CALB2: variants seen among roughly 807,000 people sequenced by gnomAD.
CALB2 encodes the protein calretinin.
A neutral mutation model predicts 45.9 loss-of-function variants in CALB2; 34 were observed. The observed-to-expected ratio is 0.74, with a 90% CI of 0.56 to 0.99. The LOEUF (loss-of-function observed/expected upper bound fraction) is 0.99. Among genes scored for constraint, CALB2 ranks in the 50% least tolerant of loss-of-function variants. The pLI, the probability that CALB2 is intolerant of heterozygous loss-of-function variation, is 0.00. For missense variants in CALB2, 344 were observed against 339.3 expected (o/e 1.01, Z -0.11); for synonymous variants, 142 against 129.6 (o/e 1.10, Z -0.65).
At chr16:71,361,584 A>G (rs1196822720) in intron 1 of CALB2, among the ~76,000 whole-genome samples, 3 of 152,134 alleles carry the variant, frequency 2.0e-5, no homozygotes, top group Admixed American at 1.3e-4. Flanking sequence ...CTGGAGCCCA[A>G]TTAACCACAG....
At chr16:71,361,959 T>C (rs1471567351) in intron 1 of CALB2, among the ~76,000 whole-genome samples, 1 of 152,140 alleles carries the variant, frequency 6.6e-6, no homozygotes, top group Non-Finnish European at 1.5e-5. Flanking sequence ...GCCTCAGCAG[T>C]CAGCCAAGAG....
intron 4 of CALB2, among the ~76,000 whole-genome samples, chr16:71,382,074 G>A (rs920074403): frequency 2.3e-5 from 3 of 131,226 alleles, no homozygotes; most frequent in African/African-American, 8.6e-5. Flanking sequence ...GAGGGGGAGG[G>A]GGAGGAAGAA....
intron 10 of CALB2, among the ~76,000 whole-genome samples, chr16:71,388,835 G>A (rs2042602331): frequency 6.7e-6 from 1 of 148,484 alleles, no homozygotes; most frequent in South Asian, 2.1e-4. Context: ...AAAAAAAAAA[G>A]TGCAAACATT....
At chr16:71,387,121 C>T (rs1184347503) in intron 10 of CALB2, among the ~76,000 whole-genome samples, 1 of 152,138 alleles carries the variant, frequency 6.6e-6, no homozygotes, top group Non-Finnish European at 1.5e-5. Context: ...CTGTCTTATA[C>T]CTGAGGTGGA....
intron 1 of CALB2, among the ~76,000 whole-genome samples, chr16:71,368,745 A>G (rs1373608529): frequency 6.6e-6 from 1 of 152,014 alleles, no homozygotes; most frequent in Non-Finnish European, 1.5e-5. Flanking sequence ...ACAGCAACCC[A>G]CACAGGTCTT....
chr16:71,373,290 C>T (rs2042373612), intron 2 of CALB2, among the ~76,000 whole-genome samples: 1 of 152,056 alleles, frequency 6.6e-6, no homozygotes, highest in Non-Finnish European at 1.5e-5. Flanking sequence ...AGTCACAAAT[C>T]CACCGGTGAG....
At chr16:71,367,436 C>T (rs2042300796) in intron 1 of CALB2, among the ~76,000 whole-genome samples, 2 of 152,186 alleles carry the variant, frequency 1.3e-5, no homozygotes, top group Non-Finnish European at 2.9e-5. Flanking sequence ...ACCAGCCCCT[C>T]CTCTACCCCA....
intron 10 of CALB2, among the ~76,000 whole-genome samples, chr16:71,389,184 C>T (rs1215712423): frequency 8.0e-6 from 1 of 125,272 alleles, no homozygotes; most frequent in African/African-American, 2.5e-5. Context: ...CAAGACTCCG[C>T]CTCAAAATAA....
intron 4 of CALB2, among the ~76,000 whole-genome samples, chr16:71,381,306 A>AT (rs1437936954): frequency 6.6e-6 from 1 of 151,846 alleles, no homozygotes; most frequent in Non-Finnish European, 1.5e-5. Context: ...AGTCTAAGGC[A>AT]TTTTTCTGCA....
At chr16:71,383,261 AAC>A (rs144379937) in intron 5 of CALB2, 104 bp from the exon 6 acceptor site, 5,278 of 961,930 alleles carry the variant, frequency 5.5e-3, no homozygotes, top group Non-Finnish European at 6.3e-3. Context: ...AGACCTGAAA[AAC>A]ACACACACAC....
chr16:71,372,007 G>C (rs2042356756), intron 1 of CALB2, 146 bp from the exon 2 acceptor site: 2 of 641,178 alleles, frequency 3.1e-6, no homozygotes, highest in Non-Finnish European at 5.5e-6. Context: ...CTGAGGGCTG[G>C]ACCCACACCC....
At chr16:71,364,880 T>C in intron 1 of CALB2, among the ~76,000 whole-genome samples, 1 of 152,190 alleles carries the variant, frequency 6.6e-6, no homozygotes, top group Non-Finnish European at 1.5e-5. Context: ...TGGACAGACA[T>C]TGTCCCTGGG....
intron 4 of CALB2, among the ~76,000 whole-genome samples, chr16:71,380,263 TTTTC>T (rs1207272860): frequency 2.1e-4 from 30 of 144,020 alleles, no homozygotes; most frequent in African/African-American, 4.2e-4. Context: ...GATTTCTTTC[TTTTC>T]TTTCTTTCTT....
intron 1 of CALB2, among the ~76,000 whole-genome samples, chr16:71,364,337 CCA>C (rs1429382771): frequency 6.6e-6 from 1 of 152,174 alleles, no homozygotes; most frequent in African/African-American, 2.4e-5. Flanking sequence ...ATATTCCCCT[CCA>C]GACTTCAGCA....
At chr16:71,359,525 CAT>C (rs2042217066) in intron 1 of CALB2, among the ~76,000 whole-genome samples, 1 of 152,168 alleles carries the variant, frequency 6.6e-6, no homozygotes, top group Admixed American at 6.5e-5. Flanking sequence ...CCTGTTCCCT[CAT>C]AGTGATAATC....
chr16:71,368,059 T>C (rs1334872433), intron 1 of CALB2, among the ~76,000 whole-genome samples: 1 of 152,170 alleles, frequency 6.6e-6, no homozygotes, highest in Non-Finnish European at 1.5e-5. Flanking sequence ...TATGACACCA[T>C]CATTCTTTCA....
intron 4 of CALB2, among the ~76,000 whole-genome samples, chr16:71,380,287 CTTTTCTTTTTTTTTTTTTTT>C (rs762605979): frequency 1.4e-4 from 12 of 87,094 alleles, no homozygotes; most frequent in Admixed American, 1.2e-3. Context: ...TCTTTCCTTC[CTTTTCTTTTTTTTTTTTTTT>C]TTTTTTTTTT....
rs140598047 is a variant in CALB2, at chr16:71,383,228, G to A, written c.400-139G>A. The A allele has an allele frequency of 8.4e-4, 666 of 792,638 alleles. 4 individuals are homozygous for A. In the African/African-American group the frequency reaches 0.01, roughly 12 times the overall value. The allele number at this position is 792,638 out of a possible 1,614,324, so 49.1% of individuals were successfully genotyped here. A position where few individuals can be genotyped will look rare whatever the true frequency, so the allele number is the denominator to read the frequency against. On this transcript the variant is annotated intron_variant, in intron 5 of 10. Coordinates refer to ENST00000302628, the MANE Select transcript of CALB2 (RefSeq NM_001740.5). ...ACTCCCCAAGAGTTAGGAATTATGA[G>A]GGCCCTGAGTCATAGAACTGGTAGA...
chr16:71,377,814 G>C, intron 4 of CALB2, 67 bp downstream of exon 4: 1 of 1,152,126 alleles, frequency 8.7e-7, no homozygotes, highest in South Asian at 1.3e-5. Context: ...TCAGAGCCAG[G>C]CCCACCCTCC....
Sources: allele counts gnomAD v4.1 joint callset (sites outside exome capture counted in the v4.1 genomes callset), GRCh38; gene constraint gnomAD v4.1.1; transcripts MANE v1.5; gene names NCBI Gene and HGNC (gene_info 2026-07-23, HGNC 2026-07-21).